Variants in CADPS observed in about 807,000 individuals in gnomAD.
CADPS encodes calcium-dependent secretion activator 1.
Under a neutral mutation model 167.3 loss-of-function variants are expected in CADPS, and 57 were observed. The observed-to-expected ratio is 0.34, with a 90% CI of 0.28 to 0.42. The LOEUF is 0.42. CADPS is among the 20% of genes least tolerant of loss of function. The pLI, the probability that CADPS is intolerant of heterozygous loss-of-function variation, is 1.00. For synonymous variants in CADPS, 676 were observed against 635.3 expected, an observed-to-expected ratio of 1.06 and a Z score of -0.96; for missense variants, 1,414 against 1,738.1, an observed-to-expected ratio of 0.81 and a Z score of 3.32.
intron 6 of CADPS, among the ~76,000 whole-genome samples, chr3:62,634,300 T>C (rs1170879498): frequency 3.9e-5 from 6 of 152,242 alleles, no homozygotes; most frequent in Non-Finnish European, 8.8e-5. Flanking sequence ...TATCGAGTTG[T>C]ACTGTTGTAC....
chr3:62,430,747 T>C (rs2053756008), intron 28 of CADPS, among the ~76,000 whole-genome samples: 1 of 152,054 alleles, frequency 6.6e-6, no homozygotes, highest in African/African-American at 2.4e-5. Context: ...CAATATTTAG[T>C]AGGTAATGTT....
intron 28 of CADPS, among the ~76,000 whole-genome samples, chr3:62,409,700 C>T (rs1227678470): frequency 3.3e-5 from 5 of 152,180 alleles, no homozygotes; most frequent in African/African-American, 1.2e-4. Context: ...AAGTTTCCTT[C>T]ATCACAATGA....
chr3:62,673,716 A>G (rs943705858), intron 3 of CADPS, among the ~76,000 whole-genome samples: 16 of 152,176 alleles, frequency 1.1e-4, no homozygotes, highest in African/African-American at 3.9e-4. Flanking sequence ...GTTTTTACTA[A>G]TTTCTGAAAT....
intron 3 of CADPS, among the ~76,000 whole-genome samples, chr3:62,709,985 T>C (rs115948291): frequency 0.087 from 13,118 of 151,572 alleles, 695 homozygotes; most frequent in South Asian, 0.16. Flanking sequence ...TTGGCCAGAC[T>C]GGATCACTTG....
At chr3:62,848,164 A>AGATTCTGG (rs2153084309) in intron 1 of CADPS, among the ~76,000 whole-genome samples, 1 of 144,476 alleles carries the variant, frequency 6.9e-6, no homozygotes, top group Non-Finnish European at 1.5e-5. Flanking sequence ...AGTTCATTGT[A>AGATTCTGG]GATTCTGGAT....
At chr3:62,784,317 A>G (rs556968679) in intron 1 of CADPS, among the ~76,000 whole-genome samples, 5 of 152,242 alleles carry the variant, frequency 3.3e-5, no homozygotes, top group African/African-American at 4.8e-5. Context: ...TTTTGATAAC[A>G]TAAGTATCAA....
At chr3:62,772,078 T>C (rs2088984459) in intron 1 of CADPS, among the ~76,000 whole-genome samples, 1 of 151,714 alleles carries the variant, frequency 6.6e-6, no homozygotes, top group Non-Finnish European at 1.5e-5. Flanking sequence ...AATATACGTA[T>C]AATATATATA....
intron 26 of CADPS, among the ~76,000 whole-genome samples, chr3:62,457,041 T>G (rs1391297917): frequency 6.6e-6 from 1 of 151,500 alleles, no homozygotes; most frequent in Non-Finnish European, 1.5e-5. Flanking sequence ...AGAGTAAGAT[T>G]TTTTTTTTAA....
intron 28 of CADPS, among the ~76,000 whole-genome samples, chr3:62,405,814 A>G (rs915664685): frequency 2.6e-5 from 4 of 152,248 alleles, no homozygotes; most frequent in Non-Finnish European, 4.4e-5. Flanking sequence ...CCTTATGCTC[A>G]GGAGATGAAA....
chr3:62,457,648 A>G (rs532115593), intron 26 of CADPS, among the ~76,000 whole-genome samples: 8 of 152,322 alleles, frequency 5.3e-5, no homozygotes, highest in African/African-American at 1.9e-4. Flanking sequence ...AATGATTGGT[A>G]TGCTAAGACT....
At chr3:62,546,731 A>G (rs1561954013) in intron 11 of CADPS, among the ~76,000 whole-genome samples, 1 of 152,280 alleles carries the variant, frequency 6.6e-6, no homozygotes, top group East Asian at 1.9e-4. Flanking sequence ...TTTACAGAGC[A>G]TTTGCATTAT....
intron 11 of CADPS, among the ~76,000 whole-genome samples, chr3:62,548,339 A>G (rs1577569478): frequency 6.6e-6 from 1 of 152,262 alleles, no homozygotes; most frequent in East Asian, 1.9e-4. Flanking sequence ...AGAGAATACA[A>G]GAGTGGAGAA....
At chr3:62,616,153 T>C (rs1018658480) in intron 6 of CADPS, among the ~76,000 whole-genome samples, 3 of 152,238 alleles carry the variant, frequency 2.0e-5, no homozygotes, top group Non-Finnish European at 2.9e-5. Context: ...CACAGAATTG[T>C]AGTCATTAAT....
intron 6 of CADPS, among the ~76,000 whole-genome samples, chr3:62,592,997 A>C (rs921396220): frequency 1.3e-5 from 2 of 152,240 alleles, no homozygotes; most frequent in Non-Finnish European, 2.9e-5. Flanking sequence ...ACTTGAAATT[A>C]GCATAAACTC....
At chr3:62,615,662 T>C (rs2062153199) in intron 6 of CADPS, among the ~76,000 whole-genome samples, 1 of 152,072 alleles carries the variant, frequency 6.6e-6, no homozygotes, top group Non-Finnish European at 1.5e-5. Context: ...TGTCTCACAA[T>C]ATTGTGGGAA....
intron 27 of CADPS, among the ~76,000 whole-genome samples, chr3:62,441,527 T>C (rs2056311805): frequency 6.6e-6 from 1 of 152,206 alleles, no homozygotes; most frequent in African/African-American, 2.4e-5. Flanking sequence ...GGGGATCATG[T>C]AATGTTTTAG....
chr3:62,580,368 T>C (rs2083177594), intron 8 of CADPS, among the ~76,000 whole-genome samples: 1 of 151,914 alleles, frequency 6.6e-6, no homozygotes, highest in Non-Finnish European at 1.5e-5. Context: ...TTCTCACTCA[T>C]AGATCGGAAT....
intron 6 of CADPS, among the ~76,000 whole-genome samples, chr3:62,598,502 G>A (rs2059242941): frequency 6.6e-6 from 1 of 152,194 alleles, no homozygotes; most frequent in Non-Finnish European, 1.5e-5. Flanking sequence ...TAGCCACGGA[G>A]AGATCTGGCT....
At position 62,446,433 on chromosome 3, in the gene CADPS, A is replaced by G. The variant is rs2057238340; in HGVS notation, c.3637-636T>C. On this transcript the variant is annotated intron_variant, in intron 26 of 29. Transcript: ENST00000383710. The surrounding 1 kb of genome is among the most constrained non-coding windows in gnomAD (Gnocchi z 4.9). ...TGGGGAGGGAGTATGGTAGCGTGCT[A>G]GAGTGTTATGTTTGAGAGCATGAAG... 1.3e-5 allele frequency among the ~76,000 whole-genome samples: 2 copies of G among 152,108 alleles called. No homozygotes were observed. The highest frequency in any genetic ancestry group is 4.1e-4 in the South Asian group (2 of 4,828).
Sources: allele counts gnomAD v4.1 joint callset (sites outside exome capture counted in the v4.1 genomes callset), GRCh38; gene constraint gnomAD v4.1.1; non-coding constraint Gnocchi (gnomAD v3.1); transcripts MANE v1.5; gene names NCBI Gene and HGNC (gene_info 2026-07-23, HGNC 2026-07-21).